The following KLF12 variants were observed in gnomAD, a reference collection of about 807,000 sequenced individuals.
KLF12 encodes the protein Krueppel-like factor 12.
KLF12 carries 9 observed loss-of-function variants against 37.8 expected under a neutral mutation model. The ratio of observed to expected loss-of-function variants is 0.24; its 90% CI spans 0.14 to 0.42. The LOEUF is 0.42. KLF12 is among the 10% of genes least tolerant of loss of function. The pLI, the probability that KLF12 is intolerant of heterozygous loss-of-function variation, is 1.00. For missense variants in KLF12, 411 were observed against 516.0 expected, an observed-to-expected ratio of 0.80 and a Z score of 1.97; for synonymous variants, 208 against 202.1, an observed-to-expected ratio of 1.03 and a Z score of -0.25.
At chr13:74,071,114 C>T (rs1874211125) in intron 1 of KLF12, among the ~76,000 whole-genome samples, 1 of 152,200 alleles carries the variant, frequency 6.6e-6, no homozygotes, top group Admixed American at 6.5e-5. Context: ...CAACTACTTA[C>T]ACTTTATTCA....
At chr13:73,906,090 C>T (rs1163052955) in intron 3 of KLF12, among the ~76,000 whole-genome samples, 3 of 152,154 alleles carry the variant, frequency 2.0e-5, no homozygotes, top group South Asian at 4.1e-4. Flanking sequence ...CTCACCACAA[C>T]GATTGTGACC....
At chr13:74,221,313 A>T in the KLF12 span, among the ~76,000 whole-genome samples, 1 of 152,126 alleles carries the variant, frequency 6.6e-6, no homozygotes, top group South Asian at 2.1e-4. Context: ...GCCATCACTT[A>T]GTCTTTTTTA....
intron 6 of KLF12, among the ~76,000 whole-genome samples, chr13:73,738,499 GT>G (rs934389606): frequency 6.6e-6 from 1 of 151,802 alleles, no homozygotes; most frequent in African/African-American, 2.4e-5. Flanking sequence ...CATGTATTTT[GT>G]GAAAAATCGA....
chr13:73,799,446 A>C (rs1469000954), intron 5 of KLF12, among the ~76,000 whole-genome samples: 1 of 152,058 alleles, frequency 6.6e-6, no homozygotes, highest in Non-Finnish European at 1.5e-5. Flanking sequence ...ATTTTTAAAA[A>C]TCAGACTAAT....
At chr13:74,156,924 G>A in the KLF12 span, among the ~76,000 whole-genome samples, 3 of 152,246 alleles carry the variant, frequency 2.0e-5, no homozygotes, top group South Asian at 6.2e-4. Context: ...AAACAGTGCT[G>A]CAACGAACAT....
chr13:74,130,623 G>A (rs555867074), intron 1 of KLF12, among the ~76,000 whole-genome samples: 6 of 148,136 alleles, frequency 4.1e-5, no homozygotes, highest in Non-Finnish European at 8.9e-5. Context: ...TCCCGCCTGG[G>A]TGACAGAGTG....
chr13:73,889,435 G>A (rs1274014293), intron 3 of KLF12, among the ~76,000 whole-genome samples: 2 of 152,154 alleles, frequency 1.3e-5, no homozygotes, highest in Non-Finnish European at 2.9e-5. Flanking sequence ...TGTCTACAAT[G>A]TGGGAATTAT....
chr13:74,178,905 T>C, the KLF12 span, among the ~76,000 whole-genome samples: 1 of 152,184 alleles, frequency 6.6e-6, no homozygotes, highest in Non-Finnish European at 1.5e-5. Flanking sequence ...TACTAACAAT[T>C]TATAATCTGT....
the KLF12 span, among the ~76,000 whole-genome samples, chr13:74,286,774 A>C: frequency 6.6e-6 from 1 of 152,282 alleles, no homozygotes; most frequent in Non-Finnish European, 1.5e-5. Context: ...TCATCATCAT[A>C]ATAATTTTAT....
intron 4 of KLF12, among the ~76,000 whole-genome samples, chr13:73,820,794 C>T (rs1290226372): frequency 6.6e-6 from 1 of 152,200 alleles, no homozygotes; most frequent in Non-Finnish European, 1.5e-5. Context: ...GTGCAAGGTC[C>T]ACTTCTCAGT....
chr13:73,699,546 C>A (rs1005373033), intron 7 of KLF12, among the ~76,000 whole-genome samples: 2 of 152,158 alleles, frequency 1.3e-5, no homozygotes, highest in Non-Finnish European at 2.9e-5. Context: ...GTATGAAGAT[C>A]AGGAGTGCCT....
intron 1 of KLF12, among the ~76,000 whole-genome samples, chr13:74,121,748 T>C (rs1454187607): frequency 7.9e-5 from 12 of 152,010 alleles, no homozygotes; most frequent in Admixed American, 7.9e-4. Flanking sequence ...GGATAAAATA[T>C]TCCTCACATA....
the KLF12 span, among the ~76,000 whole-genome samples, chr13:74,238,355 A>T: frequency 7.5e-6 from 1 of 132,862 alleles, no homozygotes; most frequent in Non-Finnish European, 1.5e-5. Context: ...TATTTTATTG[A>T]GGATTTTTGC....
chr13:73,726,405 C>T (rs77809511), intron 6 of KLF12, among the ~76,000 whole-genome samples: 11,116 of 152,206 alleles, frequency 0.073, 688 homozygotes, highest in African/African-American at 0.17. Context: ...ATTTTCATCA[C>T]CCCAAAAGAA....
At chr13:73,833,517 TAA>T (rs1884272738) in intron 4 of KLF12, among the ~76,000 whole-genome samples, 1 of 152,096 alleles carries the variant, frequency 6.6e-6, no homozygotes, top group Non-Finnish European at 1.5e-5. Context: ...ATTCTGCACT[TAA>T]GAGTGTTTAT....
At chr13:73,982,583 TATA>T (rs1225514830) in intron 2 of KLF12, among the ~76,000 whole-genome samples, 1 of 152,266 alleles carries the variant, frequency 6.6e-6, no homozygotes, top group Non-Finnish European at 1.5e-5. Context: ...GATGCCTTAT[TATA>T]AAATTGTTGG....
intron 1 of KLF12, among the ~76,000 whole-genome samples, chr13:74,100,260 C>T (rs1234015599): frequency 6.6e-6 from 1 of 152,174 alleles, no homozygotes; most frequent in African/African-American, 2.4e-5. Context: ...GTGGAGGCTA[C>T]AGAGAACCCT....
chr13:74,207,654 C>A, the KLF12 span, among the ~76,000 whole-genome samples: 1 of 152,114 alleles, frequency 6.6e-6, no homozygotes, highest in Non-Finnish European at 1.5e-5. Flanking sequence ...GCCTGGGTGA[C>A]AGAGTGAGAC....
At chr13:74,060,483 T>TG (rs1873513220) in intron 1 of KLF12, among the ~76,000 whole-genome samples, 1 of 135,414 alleles carries the variant, frequency 7.4e-6, no homozygotes, top group South Asian at 2.5e-4. Flanking sequence ...ATACCTAGGT[T>TG]TTGTGTGTGT....
Sources: allele counts gnomAD v4.1 joint callset (sites outside exome capture counted in the v4.1 genomes callset), GRCh38; gene constraint gnomAD v4.1.1; transcripts MANE v1.5; gene names NCBI Gene and HGNC (gene_info 2026-07-23, HGNC 2026-07-21).